DGKG: variants seen among roughly 807,000 people sequenced by gnomAD.
DGKG encodes DAG kinase gamma.
In DGKG, 78 loss-of-function variants were observed where a neutral mutation model predicts 105.3. The ratio of observed to expected loss-of-function variants is 0.74; its 90% CI spans 0.62 to 0.89. The LOEUF (loss-of-function observed/expected upper bound fraction) is 0.89, where lower values mean the gene tolerates loss of function less well. Among genes scored for constraint, DGKG ranks in the 40% least tolerant of loss-of-function variants. DGKG has a pLI of 0.00. For synonymous variants in DGKG, 346 were observed against 367.1 expected (o/e 0.94, Z 0.66); for missense variants, 958 against 1,020.1 (o/e 0.94, Z 0.83).
chr3:186,319,539 A>G (rs1413277021), intron 2 of DGKG, among the ~76,000 whole-genome samples: 1 of 152,196 alleles, frequency 6.6e-6, no homozygotes, highest in East Asian at 1.9e-4. Context: ...GTGAAGGGAG[A>G]GGCCATGGGA....
Position 186,265,294 on chromosome 3 carries a change from C to G in DGKG, c.1222G>C (p.Glu408Gln). Residue 408 changes from glutamate (E) to glutamine (Q), a missense_variant, in exon 14 of 25, where the codon GAG becomes CAG. Glu to Gln is a conservative substitution (Grantham distance 29). Around this residue, in one of 2 missense-constraint regions of DGKG, gnomAD observed 643 missense variants for 619.5 expected, o/e 1.04. Transcript: ENST00000265022. ...GCGGACACGCAGCCATCAGACTTCTCACCTGGCCTGTCCTGTGACAAGAAA... is the reference window on the plus strand; with the variant it reads ...GCGGACACGCAGCCATCAGACTTCTGACCTGGCCTGTCCTGTGACAAGAAA... ...ICPITRDRPG[E>Q]KSDGCVSAKG... The G allele has an allele frequency of 6.2e-7, 1 of 1,614,244 alleles. No homozygotes were observed. Among genetic ancestry groups the G allele is most frequent in the South Asian group, 1.1e-5 (1 of 91,086 alleles).
intron 1 of DGKG, among the ~76,000 whole-genome samples, chr3:186,340,794 C>T (rs917854900): frequency 6.6e-6 from 1 of 152,218 alleles, no homozygotes; most frequent in Admixed American, 6.5e-5. Context: ...TCTCCTTCCC[C>T]TCTCTGAAAT....
In DGKG at chr3:186,327,211, T is replaced by G. The variant is rs531902549; in HGVS notation, c.-248-6504A>C. ...GATATACTCAGAGAAGTATCCCTCA[T>G]TCCTCTTACTCTTTTCCCATCTCCT... On this transcript the variant is annotated intron_variant, in intron 1 of 24. Transcript: ENST00000265022. Among the ~76,000 whole-genome samples the G allele has an allele frequency of 3.2e-4, 49 of 152,134 alleles. No homozygotes were observed. The Middle Eastern group carries it at 0.01, about 32-fold the overall frequency.
At chr3:186,234,769 C>A (rs147719961) in intron 20 of DGKG, among the ~76,000 whole-genome samples, 4 of 152,096 alleles carry the variant, frequency 2.6e-5, no homozygotes, top group African/African-American at 9.7e-5. Flanking sequence ...TGTTCCCACG[C>A]GGACTAGGGA....
At chr3:186,247,620 G>T (rs1456880481) in intron 19 of DGKG, among the ~76,000 whole-genome samples, 5 of 152,030 alleles carry the variant, frequency 3.3e-5, no homozygotes, top group Non-Finnish European at 7.4e-5. Context: ...GTTGCGTGTT[G>T]GTTACTTGTT....
chr3:186,258,080 G>A lies in DGKG; in HGVS notation c.1425-141C>T, dbSNP rs1721571867. 2.1e-5 allele frequency: 14 copies of A among 677,968 alleles called. No individual in the cohort carries two copies. In the South Asian group the frequency reaches 2.3e-4, roughly 11 times the overall value. The allele number at this position is 677,968 out of a possible 1,614,324, so 42.0% of individuals were successfully genotyped here. ...TTTGTGGTTGAAAGGGTCACTCAATGTTCTGAAACCAGAAGTTACTATGCA... is the reference window on the plus strand; with the variant it reads ...TTTGTGGTTGAAAGGGTCACTCAATATTCTGAAACCAGAAGTTACTATGCA... On this transcript the variant is annotated intron_variant, in intron 16 of 24. Coordinates refer to ENST00000265022, the MANE Select transcript of DGKG (RefSeq NM_001346.3).
intron 5 of DGKG, among the ~76,000 whole-genome samples, chr3:186,296,264 C>G (rs922460401): frequency 2.0e-5 from 3 of 152,142 alleles, no homozygotes; most frequent in African/African-American, 7.2e-5. Flanking sequence ...CATTTGTTAT[C>G]TCACTTAGGG....
chr3:186,292,852 C>T (rs768537457), intron 5 of DGKG, among the ~76,000 whole-genome samples: 4 of 151,624 alleles, frequency 2.6e-5, no homozygotes, highest in Non-Finnish European at 5.9e-5. Context: ...CTATACAATA[C>T]AGTCTGATCC....
chr3:186,151,708 GA>G lies in DGKG; in HGVS notation c.2278-1521del, dbSNP rs750042004. Among the ~76,000 whole-genome samples the G allele has an allele frequency of 3.9e-5, 6 of 152,164 alleles. 1 individual carries two copies. The highest frequency in any genetic ancestry group is 7.3e-5 in the Non-Finnish European group (5 of 68,032). On this transcript the variant is annotated intron_variant, in intron 24 of 24. Transcript: ENST00000265022. ...GAGAATAACATGACACAAAAGAAAA[GA>G]GTTTGAGGGAAATTATTTAACAGCT... is the stretch of plus-strand genomic sequence containing the variant.
intron 20 of DGKG, among the ~76,000 whole-genome samples, chr3:186,227,635 G>T (rs1719919491): frequency 6.6e-6 from 1 of 152,130 alleles, no homozygotes; most frequent in Non-Finnish European, 1.5e-5. Flanking sequence ...GTGAAAGCTT[G>T]CTTTTGAAAT....
At chr3:186,267,208 T>C (rs1210630597) in intron 13 of DGKG, among the ~76,000 whole-genome samples, 1 of 152,090 alleles carries the variant, frequency 6.6e-6, no homozygotes, top group East Asian at 1.9e-4. Flanking sequence ...TGGCCATGCA[T>C]AGGTGGTGAC....
Position 186,204,595 on chromosome 3 carries a change from C to T in DGKG, c.1917+7200G>A, listed in dbSNP as rs570058630. Among the ~76,000 whole-genome samples the T allele has an allele frequency of 2.4e-4, 36 of 152,094 alleles. No homozygotes were observed. In the East Asian group the frequency reaches 3.5e-3, roughly 15 times the overall value. Reference sequence around the variant, plus strand: ...AATATCACCAGCATAGTACCCAGCACGTCCTTTTTTTTAAATTAAATTTTT... The same window carrying T: ...AATATCACCAGCATAGTACCCAGCATGTCCTTTTTTTTAAATTAAATTTTT... On this transcript the variant is annotated intron_variant, in intron 21 of 24. Transcript: ENST00000265022.
intron 5 of DGKG, among the ~76,000 whole-genome samples, chr3:186,293,921 C>G: frequency 9.9e-6 from 1 of 100,572 alleles, no homozygotes; most frequent in South Asian, 3.2e-4. Context: ...GAGGGCCTAC[C>G]AGGAAAAGGT....
At chr3:186,266,831 A>C (rs746995434) in intron 13 of DGKG, among the ~76,000 whole-genome samples, 61 of 152,238 alleles carry the variant, frequency 4.0e-4, no homozygotes, top group Non-Finnish European at 6.0e-4. Context: ...TCCTGACCTC[A>C]GGTGATCCGC....
rs1375392615 is a variant in DGKG, at chr3:186,188,225, T to C, written c.2072A>G (p.Lys691Arg). ...RESRKGVTDP[K>R]ELKFCVQDLS... ...ACCTTGAACGCAGAATTTCAGTTCTTTGGGGTCAGTGACACCCTTCCTGCT... is the reference window on the plus strand; with the variant it reads ...ACCTTGAACGCAGAATTTCAGTTCTCTGGGGTCAGTGACACCCTTCCTGCT... Residue 691 changes from lysine to arginine, a missense_variant, in exon 22 of 25, where the codon AAA (lysine) becomes AGA (arginine). Coordinates refer to ENST00000265022, the MANE Select transcript of DGKG (RefSeq NM_001346.3). 13 of 1,614,180 alleles carry C rather than the reference T, an allele frequency of 8.1e-6. No individual in the cohort carries two copies. The highest frequency in any genetic ancestry group is 1.1e-5 in the Non-Finnish European group (13 of 1,180,034).
chr3:186,167,237 G>C (rs1455790092), intron 22 of DGKG, among the ~76,000 whole-genome samples: 4 of 152,140 alleles, frequency 2.6e-5, no homozygotes, highest in African/African-American at 9.7e-5. Flanking sequence ...AGTTTTCCCT[G>C]GTGTAGAGAG....
In DGKG at chr3:186,203,695, C is replaced by T. The variant is rs916737291; in HGVS notation, c.1917+8100G>A. Among the ~76,000 whole-genome samples, 3 of 152,266 alleles carry T rather than the reference C, an allele frequency of 2.0e-5. No individual in the cohort carries two copies. The highest frequency in any genetic ancestry group is 3.4e-3 in the Middle Eastern group (1 of 294). ...AGGAGCTCTCTCAGGACCATTCTAG[C>T]CTTACTTTTGACTCCATGGTTTGAT... On this transcript the variant is annotated intron_variant, in intron 21 of 24. Coordinates refer to ENST00000265022, the MANE Select transcript of DGKG (RefSeq NM_001346.3). The surrounding 1 kb of genome is among the most constrained non-coding windows in gnomAD (Gnocchi z 4.9).
chr3:186,307,417 C>A (rs1005411461), intron 2 of DGKG, among the ~76,000 whole-genome samples: 1 of 152,162 alleles, frequency 6.6e-6, no homozygotes, highest in Admixed American at 6.5e-5. Context: ...CATGATGTTT[C>A]TTCTCTGTCT....
Position 186,150,146 on chromosome 3 carries a change from G to A in DGKG, c.2320C>T (p.Pro774Ser). The A allele has an allele frequency of 1.9e-6, 3 of 1,613,562 alleles. No individual in the cohort carries two copies. The highest frequency in any genetic ancestry group is 2.5e-6 in the Non-Finnish European group (3 of 1,179,788). ...GAGAAGAAGCTGCTCTTCTGGGGAG[G>A]CCCCATCATCATGGGCGCTTGGTTC... ...HKNQAPMMMG[P>S]PQKSSFFSLR... is the part of the protein sequence containing the mutation. Residue 774 changes from proline (P) to serine (S), a missense_variant, in exon 25 of 25, where the codon CCT (proline) becomes TCT (serine). Physicochemically the swap from Pro to Ser is moderately conservative, Grantham distance 74. This residue lies in a region of DGKG where 315 missense variants were observed against 400.6 expected (regional missense o/e 0.79). Transcript: ENST00000265022.
Sources: allele counts gnomAD v4.1 joint callset (sites outside exome capture counted in the v4.1 genomes callset), GRCh38; gene constraint gnomAD v4.1.1; regional missense constraint gnomAD v4.1.1; non-coding constraint Gnocchi (gnomAD v3.1); transcripts MANE v1.5; gene names NCBI Gene and HGNC (gene_info 2026-07-23, HGNC 2026-07-21).